Variants in SNTG2 observed in about 807,000 individuals in gnomAD.
SNTG2 encodes the protein syntrophin gamma 2.
SNTG2 carries 74 observed loss-of-function variants against 70.9 expected under a neutral mutation model. That is an observed-to-expected ratio of 1.04 (90% confidence interval 0.86 to 1.27). The LOEUF is 1.27. SNTG2 is among the 50% of genes most tolerant of loss of function. SNTG2 has a pLI of 0.00. For missense variants in SNTG2, 717 were observed against 690.7 expected (o/e 1.04, Z -0.43); for synonymous variants, 278 against 273.8 (o/e 1.02, Z -0.15).
At chr2:1,221,459 G>GCTTC (rs1674825848) in intron 9 of SNTG2, among the ~76,000 whole-genome samples, 1 of 95,946 alleles carries the variant, frequency 1.0e-5, no homozygotes, top group Non-Finnish European at 2.1e-5. Context: ...GTCTCTCTCT[G>GCTTC]TCTCTGTCTC....
At chr2:967,747 T>A (rs922776048) in intron 1 of SNTG2, among the ~76,000 whole-genome samples, 5 of 152,148 alleles carry the variant, frequency 3.3e-5, no homozygotes, top group Non-Finnish European at 7.3e-5. Context: ...TGTCTTTTTG[T>A]GCCAGGCACG....
At chr2:1,030,760 CTTTCTCAAGTGT>C (rs1660771534) in intron 1 of SNTG2, among the ~76,000 whole-genome samples, 1 of 151,988 alleles carries the variant, frequency 6.6e-6, no homozygotes, top group African/African-American at 2.4e-5. Flanking sequence ...CCTTCTGGAA[CTTTCTCAAGTGT>C]ACCATAAAAC....
chr2:1,285,784 C>T (rs1012248292), intron 14 of SNTG2, among the ~76,000 whole-genome samples: 5 of 125,762 alleles, frequency 4.0e-5, no homozygotes, highest in African/African-American at 9.2e-5. Flanking sequence ...CTCAGCAGGT[C>T]GTGTTTTTTT....
intron 8 of SNTG2, among the ~76,000 whole-genome samples, chr2:1,207,730 A>T (rs1673731851): frequency 6.6e-6 from 1 of 152,000 alleles, no homozygotes; most frequent in South Asian, 2.1e-4. Flanking sequence ...CTCATGAGAA[A>T]CCCTGGGGAA....
chr2:1,014,648 G>A (rs1440584253), intron 1 of SNTG2, among the ~76,000 whole-genome samples: 1 of 142,920 alleles, frequency 7.0e-6, no homozygotes, highest in Non-Finnish European at 1.6e-5. Context: ...GTGGTCTGTA[G>A]AGGGATTTAT....
At chr2:1,247,635 C>T (rs1677511416) in intron 12 of SNTG2, among the ~76,000 whole-genome samples, 192 bp downstream of exon 12, 1 of 152,044 alleles carries the variant, frequency 6.6e-6, no homozygotes, top group Non-Finnish European at 1.5e-5. Flanking sequence ...ATAAATTAAC[C>T]CATTTCTTTC....
At chr2:1,202,743 T>C (rs1227242307) in intron 8 of SNTG2, among the ~76,000 whole-genome samples, 1 of 152,170 alleles carries the variant, frequency 6.6e-6, no homozygotes, top group African/African-American at 2.4e-5. Flanking sequence ...ATGTATTTTA[T>C]AAACAATAAC....
intron 4 of SNTG2, chr2:1,103,379 C>A (rs116152662): frequency 0.011 from 2,672 of 248,438 alleles, 73 homozygotes; most frequent in African/African-American, 0.062. Flanking sequence ...TTATAAATTT[C>A]TTTTTTTTTT....
chr2:1,279,420 A>G (rs902767313), intron 14 of SNTG2, among the ~76,000 whole-genome samples: 3 of 152,260 alleles, frequency 2.0e-5, no homozygotes, highest in African/African-American at 7.2e-5. Context: ...GAAACATCGT[A>G]TAGAGCACAG....
chr2:952,376 C>G (rs933566038), intron 1 of SNTG2, among the ~76,000 whole-genome samples: 1 of 152,194 alleles, frequency 6.6e-6, no homozygotes, highest in Non-Finnish European at 1.5e-5. Context: ...GCAATTCTTG[C>G]TTTTAATCAT....
intron 1 of SNTG2, among the ~76,000 whole-genome samples, chr2:1,063,085 G>C (rs556578586): frequency 6.6e-6 from 1 of 152,198 alleles, no homozygotes; most frequent in Admixed American, 6.5e-5. Flanking sequence ...GCAAGAGACT[G>C]TAGTAACCAC....
chr2:1,021,277 C>G (rs1209680059), intron 1 of SNTG2, among the ~76,000 whole-genome samples: 1 of 152,140 alleles, frequency 6.6e-6, no homozygotes, highest in Non-Finnish European at 1.5e-5. Context: ...GTAGGAGGTT[C>G]AAGCTGGTTT....
chr2:1,264,689 T>C (rs1022890511), intron 13 of SNTG2, among the ~76,000 whole-genome samples: 1 of 150,494 alleles, frequency 6.6e-6, no homozygotes, highest in Non-Finnish European at 1.5e-5. Context: ...CCCTGTGATT[T>C]TCTCAATAAC....
At chr2:1,076,561 A>G (rs530250335) in intron 1 of SNTG2, among the ~76,000 whole-genome samples, 1 of 152,366 alleles carries the variant, frequency 6.6e-6, no homozygotes, top group East Asian at 1.9e-4. Flanking sequence ...TATGTCAAGT[A>G]TATTCTGTTT....
intron 11 of SNTG2, among the ~76,000 whole-genome samples, chr2:1,245,271 A>T (rs1001126166): frequency 8.0e-5 from 12 of 150,786 alleles, no homozygotes; most frequent in Admixed American, 6.6e-4. Flanking sequence ...GTATAATAAT[A>T]AAAAAAAAGG....
chr2:953,191 TAAGTG>T (rs1248666617), intron 1 of SNTG2, among the ~76,000 whole-genome samples: 2 of 152,206 alleles, frequency 1.3e-5, no homozygotes, highest in East Asian at 3.8e-4. Context: ...TTTTCTAAGT[TAAGTG>T]AGTTCATGGA....
chr2:1,014,424 G>T (rs534143398), intron 1 of SNTG2, among the ~76,000 whole-genome samples: 5 of 93,256 alleles, frequency 5.4e-5, no homozygotes, highest in East Asian at 2.4e-4. Context: ...GGGTGCTCTG[G>T]AGAGGGATTT....
chr2:1,192,337 T>G (rs1339428856), intron 8 of SNTG2, among the ~76,000 whole-genome samples: 1 of 152,214 alleles, frequency 6.6e-6, no homozygotes, highest in Non-Finnish European at 1.5e-5. Context: ...GGGACCCTTG[T>G]GTCTTCACCA....
In SNTG2 at chr2:1,070,956, T is replaced by C. The variant is rs76514398; in HGVS notation, c.73-12562T>C. 6.1e-3 allele frequency among the ~76,000 whole-genome samples: 929 copies of C among 152,244 alleles called. 10 individuals are homozygous for C. The highest frequency in any genetic ancestry group is 0.021 in the African/African-American group (874 of 41,530). On this transcript the variant is annotated intron_variant, in intron 1 of 16. Coordinates refer to ENST00000308624, the MANE Select transcript of SNTG2 (RefSeq NM_018968.4). ...GGCTTGCGTCCTGCCTCTATGTGCA[T>C]TTAACAAATGACATTTTGTGTCACT...
Sources: gnomAD v4.1 joint callset for allele counts (sites outside exome capture counted in the v4.1 genomes callset) on GRCh38, gnomAD v4.1.1 for gene constraint, MANE v1.5 for transcripts, NCBI Gene and HGNC (gene_info 2026-07-23, HGNC 2026-07-21) for gene names.